The following CFTR variants were observed in gnomAD, a reference collection of about 807,000 sequenced individuals.
CFTR encodes the protein cystic fibrosis transmembrane conductance regulator.
In CFTR, 181 loss-of-function variants were observed where a neutral mutation model predicts 171.6. The ratio of observed to expected loss-of-function variants is 1.05; its 90% CI spans 0.93 to 1.19. The LOEUF (loss-of-function observed/expected upper bound fraction) is 1.19. CFTR is among the 50% of genes most tolerant of loss of function. CFTR has a pLI of 0.00. For synonymous variants in CFTR, 583 were observed against 608.0 expected (o/e 0.96, Z 0.60); for missense variants, 1,968 against 1,734.7 (o/e 1.13, Z -2.39).
intron 22 of CFTR, among the ~76,000 whole-genome samples, chr7:117,632,056 T>C (rs1792755482): frequency 6.6e-6 from 1 of 152,148 alleles, no homozygotes; most frequent in Non-Finnish European, 1.5e-5. Flanking sequence ...CTTTTTTTAG[T>C]GGTCTTTGGT....
chr7:117,542,173 T>C (rs1799066247), intron 9 of CFTR, 65 bp downstream of exon 9: 1 of 807,568 alleles, frequency 1.2e-6, no homozygotes, highest in Non-Finnish European at 2.2e-6. Flanking sequence ...TGAATATGGA[T>C]TTCATCCTAA....
At chr7:117,609,211 C>G (rs568928530) in intron 18 of CFTR, among the ~76,000 whole-genome samples, 1 of 152,268 alleles carries the variant, frequency 6.6e-6, no homozygotes, top group East Asian at 1.9e-4. Context: ...GATTGGAGCA[C>G]TGTATAGTGA....
At chr7:117,628,185 T>C (rs1792686176) in intron 22 of CFTR, among the ~76,000 whole-genome samples, 1 of 152,166 alleles carries the variant, frequency 6.6e-6, no homozygotes, top group Non-Finnish European at 1.5e-5. Context: ...TTCTAGCTTT[T>C]TTCAGTTTGT....
At chr7:117,529,424 C>T (rs1279326504) in intron 3 of CFTR, among the ~76,000 whole-genome samples, 3 of 128,652 alleles carry the variant, frequency 2.3e-5, no homozygotes, top group Non-Finnish European at 3.2e-5. Flanking sequence ...CTAGATGACA[C>T]GTTAGTGGGT....
intron 4 of CFTR, among the ~76,000 whole-genome samples, chr7:117,532,046 G>T (rs998369950): frequency 6.7e-6 from 1 of 150,196 alleles, no homozygotes; most frequent in Non-Finnish European, 1.5e-5. Flanking sequence ...ATACTTTATT[G>T]TTCAAAAAAG....
At chr7:117,522,130 G>T (rs1364816218) in intron 3 of CFTR, among the ~76,000 whole-genome samples, 1 of 152,106 alleles carries the variant, frequency 6.6e-6, no homozygotes, top group East Asian at 1.9e-4. Flanking sequence ...GCAATCACTT[G>T]AGCTGTTTTC....
intron 1 of CFTR, among the ~76,000 whole-genome samples, chr7:117,491,391 C>T (rs908651394): frequency 6.6e-6 from 1 of 151,950 alleles, no homozygotes; most frequent in Non-Finnish European, 1.5e-5. Flanking sequence ...TTAGGGCCAG[C>T]GTATTAGTTT....
At chr7:117,512,728 A>C (rs1182175558) in intron 3 of CFTR, among the ~76,000 whole-genome samples, 2 of 151,980 alleles carry the variant, frequency 1.3e-5, no homozygotes, top group African/African-American at 4.8e-5. Flanking sequence ...GTTTGAGGGA[A>C]GCCAAGTAGA....
rs397508541 is a variant in CFTR at position 117,530,956 on chromosome 7, C to G, written c.331C>G (p.Pro111Ala). The stretch of plus-strand genomic sequence containing the variant: ...GGGAAGAATCATAGCTTCCTATGAC[C>G]CGGATAACAAGGAGGAACGCTCTAT... ...LLGRIIASYD[P>A]DNKEERSIAI... The change falls in exon 4 of 27, where the codon CCG (proline) becomes GCG (alanine). Residue 111 changes from proline (P) to alanine (A), a missense_variant. Transcript: ENST00000003084. 6.2e-7 allele frequency: 1 copy of G among 1,613,768 alleles called. No homozygotes were observed. The highest frequency in any genetic ancestry group is 8.5e-7 in the Non-Finnish European group (1 of 1,179,834).
chr7:117,667,094 G>A lies in CFTR; in HGVS notation c.4429G>A (p.Asp1477Asn). ...LKEETEEEVQ[D>N]TRL ...AGAGGAGACAGAAGAAGAGGTGCAA[G>A]ATACAAGGCTTTAGAGAGCAGCATA... Residue 1477 changes from aspartate (D) to asparagine (N), a missense_variant, in exon 27 of 27, where the codon GAT becomes AAT. Coordinates refer to ENST00000003084, the MANE Select transcript of CFTR (RefSeq NM_000492.4). The A allele has an allele frequency of 6.2e-7, 1 of 1,613,944 alleles. No homozygotes were observed. Among genetic ancestry groups the A allele is most frequent in the African/African-American group, 1.3e-5 (1 of 75,028 alleles).
intron 10 of CFTR, among the ~76,000 whole-genome samples, chr7:117,550,422 A>G (rs1799249387): frequency 6.6e-6 from 1 of 152,188 alleles, no homozygotes; most frequent in Admixed American, 6.6e-5. Context: ...CAGCTTTTAA[A>G]ACAAAATAGC....
chr7:117,578,394 A>G (rs1455951747), intron 11 of CFTR, among the ~76,000 whole-genome samples: 1 of 152,166 alleles, frequency 6.6e-6, no homozygotes, highest in East Asian at 1.9e-4. Flanking sequence ...TTATTGTAAT[A>G]ATATAGTATA....
At chr7:117,662,604 GAGA>G (rs947484220) in intron 24 of CFTR, among the ~76,000 whole-genome samples, 1 of 152,018 alleles carries the variant, frequency 6.6e-6, no homozygotes, top group African/African-American at 2.4e-5. Context: ...CCACCAGGAG[GAGA>G]ACTACCATAG....
chr7:117,568,595 T>C (rs1791640192), intron 11 of CFTR, among the ~76,000 whole-genome samples: 1 of 152,160 alleles, frequency 6.6e-6, no homozygotes, highest in Non-Finnish European at 1.5e-5. Flanking sequence ...TTTTAAATAT[T>C]TTTTCAGCCT....
chr7:117,593,415 A>G (rs190653069), intron 14 of CFTR, among the ~76,000 whole-genome samples: 7 of 152,300 alleles, frequency 4.6e-5, no homozygotes, highest in Admixed American at 3.3e-4. Flanking sequence ...AATAGTATAG[A>G]TCATTTGTGA....
intron 15 of CFTR, among the ~76,000 whole-genome samples, chr7:117,597,838 C>T (rs1405044227): frequency 4.0e-5 from 6 of 149,194 alleles, no homozygotes; most frequent in Non-Finnish European, 7.4e-5. Flanking sequence ...GGCGGGGGGG[C>T]AGAATGAAAA....
intron 8 of CFTR, among the ~76,000 whole-genome samples, chr7:117,541,682 C>A (rs1359068436): frequency 6.6e-6 from 1 of 152,072 alleles, no homozygotes; most frequent in Non-Finnish European, 1.5e-5. Context: ...TGGATTAAGG[C>A]ACATTAGTGG....
At chr7:117,509,863 T>G (rs1427623035) in intron 3 of CFTR, among the ~76,000 whole-genome samples, 2 of 152,180 alleles carry the variant, frequency 1.3e-5, no homozygotes, top group African/African-American at 4.8e-5. Context: ...TTGTTTAATC[T>G]TCTTGTTAAA....
chr7:117,606,315 C>T (rs1792299451), intron 17 of CFTR, among the ~76,000 whole-genome samples: 1 of 152,072 alleles, frequency 6.6e-6, no homozygotes, highest in Non-Finnish European at 1.5e-5. Context: ...ATGATGACAA[C>T]AGTAAGTTGT....
Sources: gnomAD v4.1 joint callset for allele counts (sites outside exome capture counted in the v4.1 genomes callset) on GRCh38, gnomAD v4.1.1 for gene constraint, MANE v1.5 for transcripts, NCBI Gene and HGNC (gene_info 2026-07-23, HGNC 2026-07-21) for gene names.